The following ZBTB40 variants were observed in gnomAD, a reference collection of about 807,000 sequenced individuals.
ZBTB40 encodes zinc finger and BTB domain-containing protein 40.
In ZBTB40, 60 loss-of-function variants were observed where a neutral mutation model predicts 117.5. That is an observed-to-expected ratio of 0.51 (90% CI 0.41 to 0.63). ZBTB40 has a LOEUF of 0.63. Ranked by LOEUF, ZBTB40 falls within the 30% of genes least tolerant of loss-of-function variation. ZBTB40 has a pLI of 0.00. For synonymous variants in ZBTB40, 525 were observed against 577.1 expected (o/e 0.91, Z 1.29); for missense variants, 1,287 against 1,498.5 (o/e 0.86, Z 2.33).
chr1:22,456,895 G>A (rs922110693), intron 1 of ZBTB40, among the ~76,000 whole-genome samples: 11 of 152,196 alleles, frequency 7.2e-5, no homozygotes, highest in African/African-American at 2.2e-4. Flanking sequence ...AGGAGGTAGT[G>A]GAAGCTCACT....
Position 22,478,098 on chromosome 1 carries a change from G to C in ZBTB40, c.-69-11782G>C, listed in dbSNP as rs561584508. ...AGTTTCTCTCACTTTTTGTGTTGTT[G>C]TTGATTTTTAATTTCAGAGAGACAG... On this transcript the variant is annotated intron_variant, in intron 1 of 17. Coordinates refer to ENST00000375647, the MANE Select transcript of ZBTB40 (RefSeq NM_014870.4). Among the ~76,000 whole-genome samples, 45 of 152,300 alleles carry C rather than the reference G, an allele frequency of 3.0e-4. No homozygotes were observed. The South Asian group carries it at 6.2e-3, about 21-fold the overall frequency.
At chr1:22,503,527 T>C (rs759543419) in intron 5 of ZBTB40, among the ~76,000 whole-genome samples, 4 of 151,762 alleles carry the variant, frequency 2.6e-5, no homozygotes, top group Non-Finnish European at 5.9e-5. Flanking sequence ...GCCACTGATA[T>C]AATGGCTAAG....
chr1:22,511,374 G>C (rs750550939), intron 10 of ZBTB40, 27 bp downstream of exon 10: 2 of 1,612,328 alleles, frequency 1.2e-6, no homozygotes, highest in Admixed American at 3.3e-5. Flanking sequence ...GTGGGAAGGG[G>C]GTTCCTATCA....
intron 1 of ZBTB40, among the ~76,000 whole-genome samples, chr1:22,429,772 C>T (rs1034215076): frequency 3.9e-5 from 6 of 152,028 alleles, no homozygotes; most frequent in Non-Finnish European, 8.8e-5. Flanking sequence ...GCGGGTGGAT[C>T]ACCTAAGGTT....
chr1:22,464,689 C>G (rs1641210328), intron 1 of ZBTB40, among the ~76,000 whole-genome samples: 1 of 152,160 alleles, frequency 6.6e-6, no homozygotes, highest in South Asian at 2.1e-4. Context: ...GATAACCACT[C>G]TTAGCATTTT....
chr1:22,434,835 T>C (rs1640649413), intron 1 of ZBTB40, among the ~76,000 whole-genome samples: 1 of 152,216 alleles, frequency 6.6e-6, no homozygotes, highest in Non-Finnish European at 1.5e-5. Context: ...CTGGCAGGGC[T>C]GGCTCTCCAC....
intron 1 of ZBTB40, among the ~76,000 whole-genome samples, chr1:22,440,311 T>G (rs1223676938): frequency 6.6e-6 from 1 of 152,194 alleles, no homozygotes; most frequent in African/African-American, 2.4e-5. Flanking sequence ...ATGCCTTTTA[T>G]TTTTTTCTTC....
intron 2 of ZBTB40, among the ~76,000 whole-genome samples, chr1:22,490,872 C>T (rs558719397): frequency 1.5e-4 from 23 of 152,172 alleles, no homozygotes; most frequent in African/African-American, 4.6e-4. Context: ...CGTACCATTT[C>T]GATAATTATC....
intron 1 of ZBTB40, among the ~76,000 whole-genome samples, chr1:22,431,380 GTGTGTA>G (rs1640584817): frequency 6.6e-5 from 1 of 15,240 alleles, no homozygotes; most frequent in African/African-American, 1.1e-4. Context: ...GTGTGTGTGT[GTGTGTA>G]TATATATATA....
chr1:22,433,952 T>G (rs1640636528), intron 1 of ZBTB40, among the ~76,000 whole-genome samples: 1 of 152,144 alleles, frequency 6.6e-6, no homozygotes, highest in African/African-American at 2.4e-5. Flanking sequence ...TATACATTCT[T>G]TAGTACACAT....
At chr1:22,435,954 G>A (rs1450216506) in intron 1 of ZBTB40, among the ~76,000 whole-genome samples, 2 of 151,746 alleles carry the variant, frequency 1.3e-5, no homozygotes, top group East Asian at 1.9e-4. Flanking sequence ...GTGGGTGCCT[G>A]TAATCCCAGC....
chr1:22,505,747 T>TATC (rs1639060587), intron 5 of ZBTB40, among the ~76,000 whole-genome samples: 1 of 152,208 alleles, frequency 6.6e-6, no homozygotes. Flanking sequence ...CTACTTGCTG[T>TATC]ATCATATAGG....
Position 22,490,683 on chromosome 1 carries a change from C to T in ZBTB40, c.697+38C>T, listed in dbSNP as rs751794573. The T allele has an allele frequency of 6.9e-6, 11 of 1,603,480 alleles. No individual in the cohort carries two copies. In the Admixed American group the frequency reaches 1.8e-4, roughly 27 times the overall value. On this transcript the variant is annotated intron_variant, in intron 2 of 17. Transcript: ENST00000375647. ...GTTTTATATTCCATCCTTCTGTTTT[C>T]AATGATCTTTATCAGTTTTAATGTT...
chr1:22,431,461 G>T (rs1176492907), intron 1 of ZBTB40, among the ~76,000 whole-genome samples: 1 of 148,352 alleles, frequency 6.7e-6, no homozygotes, highest in Non-Finnish European at 1.5e-5. Flanking sequence ...TTTACTGGCC[G>T]GGTGCAGTGG....
At chr1:22,488,129 C>T (rs1252286721) in intron 1 of ZBTB40, among the ~76,000 whole-genome samples, 1 of 152,172 alleles carries the variant, frequency 6.6e-6, no homozygotes, top group African/African-American at 2.4e-5. Context: ...ACTCTCCTAT[C>T]CCCCAAACTG....
At chr1:22,476,488 G>T (rs1306961980) in intron 1 of ZBTB40, among the ~76,000 whole-genome samples, 1 of 152,204 alleles carries the variant, frequency 6.6e-6, no homozygotes, top group Non-Finnish European at 1.5e-5. Context: ...CCAAAGTGCT[G>T]GGATTACAGG....
intron 6 of ZBTB40, 56 bp downstream of exon 6, chr1:22,506,297 C>T: frequency 6.4e-7 from 1 of 1,564,722 alleles, no homozygotes; most frequent in Non-Finnish European, 8.8e-7. Context: ...AAAATTGTAG[C>T]TTGAAACACC....
chr1:22,524,543 G>C (rs1639625956), intron 17 of ZBTB40, 99 bp downstream of exon 17: 1 of 1,314,912 alleles, frequency 7.6e-7, no homozygotes, highest in African/African-American at 1.5e-5. Context: ...TACTCTTTGG[G>C]GATCTTGTAG....
At chr1:22,512,387 G>A (rs1385381627) in intron 11 of ZBTB40, among the ~76,000 whole-genome samples, 1 of 152,178 alleles carries the variant, frequency 6.6e-6, no homozygotes, top group Non-Finnish European at 1.5e-5. Context: ...AAGACTTAAG[G>A]TAACAGAGCT....
Sources: gnomAD v4.1 joint callset for allele counts (sites outside exome capture counted in the v4.1 genomes callset) on GRCh38, gnomAD v4.1.1 for gene constraint, MANE v1.5 for transcripts, NCBI Gene and HGNC (gene_info 2026-07-23, HGNC 2026-07-21) for gene names.